Variants in RBM47 observed in about 807,000 individuals in gnomAD.
RBM47 encodes RNA binding motif protein 47.
Under a neutral mutation model 47.1 loss-of-function variants are expected in RBM47, and 21 were observed. That is an observed-to-expected ratio of 0.45 (90% confidence interval 0.32 to 0.64). The LOEUF is 0.64. RBM47 is among the 30% of genes least tolerant of loss of function. RBM47 has a pLI of 0.05. For synonymous variants in RBM47, 375 were observed against 361.7 expected (o/e 1.04, Z -0.42); for missense variants, 708 against 870.9 (o/e 0.81, Z 2.35).
intron 2 of RBM47, among the ~76,000 whole-genome samples, chr4:40,505,759 T>C (rs1371119015): frequency 2.7e-5 from 4 of 150,646 alleles, no homozygotes; most frequent in Non-Finnish European, 5.9e-5. Context: ...GTTATGGTGG[T>C]GTGCGCCTGT....
Position 40,438,311 on chromosome 4 carries a change from C to T in RBM47, c.583G>A (p.Gly195Ser), listed in dbSNP as rs1268453430. 1 of 1,606,846 alleles carries T rather than the reference C, an allele frequency of 6.2e-7. No individual in the cohort carries two copies. The highest frequency in any genetic ancestry group is 8.5e-7 in the Non-Finnish European group (1 of 1,179,896). Reference protein sequence around the residue: ...ASAADKMKNRGFAFVEYESHR... With the variant: ...ASAADKMKNRSFAFVEYESHR... ...CTCTCGTACTCCACGAAGGCGAAGC[C>T]GCGGTTCTTCATCTTGTCGGCCGCG... The change falls in exon 4 of 7, where the codon GGC becomes AGC. Residue 195 changes from glycine (G) to serine (S), a missense_variant. Physicochemically the swap from Gly to Ser is moderately conservative, Grantham distance 56. Transcript: ENST00000295971.
At chr4:40,468,420 T>C (rs888795142) in intron 2 of RBM47, among the ~76,000 whole-genome samples, 13 of 152,234 alleles carry the variant, frequency 8.5e-5, no homozygotes, top group African/African-American at 2.7e-4. Context: ...ATCTAACTAG[T>C]TGCAGAAACA....
At chr4:40,627,970 A>G (rs1737892935) in intron 1 of RBM47, among the ~76,000 whole-genome samples, 1 of 152,248 alleles carries the variant, frequency 6.6e-6, no homozygotes, top group African/African-American at 2.4e-5. Context: ...GGAAGATAAT[A>G]AATCTTTAAT....
At chr4:40,484,516 G>T (rs529687938) in intron 2 of RBM47, among the ~76,000 whole-genome samples, 19 of 151,922 alleles carry the variant, frequency 1.3e-4, no homozygotes, top group Non-Finnish European at 2.5e-4. Flanking sequence ...TTTTCCTTAG[G>T]TATGGTTGGG....
At chr4:40,597,755 T>C (rs1262057641) in intron 1 of RBM47, among the ~76,000 whole-genome samples, 1 of 152,194 alleles carries the variant, frequency 6.6e-6, no homozygotes, top group Non-Finnish European at 1.5e-5. Flanking sequence ...ATTATGTTAG[T>C]AAAAGGCATT....
chr4:40,438,621 G>A lies in RBM47; in HGVS notation c.273C>T (p.Phe91=), dbSNP rs764626608. 1.3e-5 allele frequency: 21 copies of A among 1,613,456 alleles called. No homozygotes were observed. The highest frequency in any genetic ancestry group is 1.7e-5 in the Non-Finnish European group (20 of 1,179,736). Residue 91 remains phenylalanine, a synonymous_variant, in exon 4 of 7, where the codon TTC becomes TTT. Coordinates refer to ENST00000295971, the MANE Select transcript of RBM47 (RefSeq NM_001098634.2). The part of the protein sequence containing the change: ...DVYEDELVPV[F]EAVGRIYELR... ...GCTCGTAGATGCGGCCCACGGCCTC[G>A]AACACGGGCACCAGCTCGTCCTCGT... is the stretch of plus-strand genomic sequence containing the variant.
chr4:40,471,693 C>CAA (rs540788362), intron 2 of RBM47, among the ~76,000 whole-genome samples: 14,802 of 106,530 alleles, frequency 0.14, 931 homozygotes, highest in Middle Eastern at 0.18. Flanking sequence ...AACTCCACCT[C>CAA]AAAAAAAAAA....
intron 2 of RBM47, chr4:40,542,701 G>A (rs747933218): frequency 2.6e-5 from 4 of 152,002 alleles, no homozygotes; most frequent in Non-Finnish European, 4.4e-5. Context: ...AGAATGGGAT[G>A]ACAATTTTTA....
At chr4:40,429,027 C>T (rs1037230545) in intron 6 of RBM47, among the ~76,000 whole-genome samples, 9 of 152,154 alleles carry the variant, frequency 5.9e-5, no homozygotes, top group Admixed American at 4.6e-4. Flanking sequence ...TTAAATTGTG[C>T]ACCCTTCTGA....
At chr4:40,569,036 C>T (rs548650945) in intron 1 of RBM47, among the ~76,000 whole-genome samples, 54 of 148,116 alleles carry the variant, frequency 3.6e-4, no homozygotes, top group South Asian at 1.9e-3. Flanking sequence ...GACAGACAGA[C>T]AGACAGACAG....
chr4:40,503,196 C>T (rs1176421703), intron 2 of RBM47, among the ~76,000 whole-genome samples: 1 of 151,890 alleles, frequency 6.6e-6, no homozygotes. Flanking sequence ...AAAACTGTCA[C>T]AGGAGTATGA....
At chr4:40,459,787 C>T (rs1212357371) in intron 3 of RBM47, among the ~76,000 whole-genome samples, 1 of 152,106 alleles carries the variant, frequency 6.6e-6, no homozygotes, top group African/African-American at 2.4e-5. Context: ...GTTGCTAAGG[C>T]TGGTGTGCAA....
intron 1 of RBM47, among the ~76,000 whole-genome samples, chr4:40,587,370 C>T (rs1445177930): frequency 1.3e-5 from 2 of 152,090 alleles, no homozygotes; most frequent in Non-Finnish European, 2.9e-5. Context: ...TAAGAAGAGA[C>T]CAGAAGGCCC....
At chr4:40,553,699 T>A (rs1482939249) in intron 1 of RBM47, among the ~76,000 whole-genome samples, 1 of 152,106 alleles carries the variant, frequency 6.6e-6, no homozygotes, top group African/African-American at 2.4e-5. Context: ...CACTCCCAGC[T>A]CCTAACGCAG....
At chr4:40,466,494 T>G (rs1443663841) in intron 3 of RBM47, 83 bp downstream of exon 3, 1 of 152,104 alleles carries the variant, frequency 6.6e-6, no homozygotes, top group African/African-American at 2.4e-5. Context: ...ATTGTCTAAG[T>G]AGCAGGTATC....
intron 1 of RBM47, among the ~76,000 whole-genome samples, chr4:40,618,389 CT>C (rs1365661432): frequency 6.6e-6 from 1 of 152,088 alleles, no homozygotes; most frequent in Non-Finnish European, 1.5e-5. Context: ...CGCCACTGCA[CT>C]GCAGTCTGGT....
chr4:40,603,138 GA>G (rs1194160451), intron 1 of RBM47, among the ~76,000 whole-genome samples: 1 of 152,188 alleles, frequency 6.6e-6, no homozygotes, highest in Non-Finnish European at 1.5e-5. Context: ...ACCAAAGGTT[GA>G]CTGCTCTCCT....
intron 3 of RBM47, among the ~76,000 whole-genome samples, chr4:40,449,541 G>A (rs1381455045): frequency 6.6e-6 from 1 of 152,106 alleles, no homozygotes; most frequent in Non-Finnish European, 1.5e-5. Context: ...CTGAGAATGC[G>A]GCCTTTTGCT....
chr4:40,432,573 C>G (rs1347448978), intron 6 of RBM47, 78 bp downstream of exon 6: 1 of 1,578,868 alleles, frequency 6.3e-7, no homozygotes, highest in African/African-American at 1.4e-5. Context: ...AGTAAATTCT[C>G]AGTGCTGAAT....
Sources: gnomAD v4.1 joint callset for allele counts (sites outside exome capture counted in the v4.1 genomes callset) on GRCh38, gnomAD v4.1.1 for gene constraint, MANE v1.5 for transcripts, NCBI Gene and HGNC (gene_info 2026-07-23, HGNC 2026-07-21) for gene names.